KCP: variants seen among roughly 807,000 people sequenced by gnomAD.
The protein encoded by KCP is kielin cysteine rich BMP regulator.
A neutral mutation model predicts 212.7 loss-of-function variants in KCP; 194 were observed. That is an observed-to-expected ratio of 0.91 (90% CI 0.81 to 1.03). The LOEUF (loss-of-function observed/expected upper bound fraction) is 1.03. Among genes scored for constraint, KCP ranks in the 50% least tolerant of loss-of-function variants. The pLI is 0.00. For synonymous variants in KCP, 833 were observed against 865.3 expected (o/e 0.96, Z 0.65); for missense variants, 2,080 against 2,162.5 (o/e 0.96, Z 0.76).
In KCP at chr7:128,877,636, G is replaced by T; in HGVS notation, c.4466C>A (p.Pro1489Gln). The stretch of plus-strand genomic sequence containing the variant: ...CACACAGGCGGCAAAGAAGGGCTCC[G>T]GTGGCACCACAGCATGGCAGCGACT... ...PFSRCHAVVP[P>Q]EPFFAACVYD... The change falls in exon 39 of 40, where the codon CCG (proline) becomes CAG (glutamine). Residue 1489 changes from proline (P) to glutamine (Q), a missense_variant. By Grantham distance (76) the Pro-to-Gln change is moderately conservative (BLOSUM62 -1). Transcript: ENST00000610776. 1 of 1,551,646 alleles carries T rather than the reference G, an allele frequency of 6.4e-7. No individual in the cohort carries two copies. Among genetic ancestry groups the T allele is most frequent in the East Asian group, 2.4e-5 (1 of 40,922 alleles).
chr7:128,877,084 C>T lies in KCP; in HGVS notation c.4846G>A (p.Ala1616Thr), dbSNP rs1793030641. The change falls in exon 40 of 40, where the codon GCT becomes ACT. Residue 1616 changes from alanine to threonine, a missense_variant. Physicochemically the swap from Ala to Thr is moderately conservative, Grantham distance 58 (BLOSUM62 0). Transcript: ENST00000610776. ...GGCTCCCGGCTGGGGCTGGGCCGAG[C>T]ACCAAGTGGCTGGTCTCCAGTGAGC... ...VLLTGDQPLG[A>T]RPSPSREPQE... 6.6e-7 allele frequency: 1 copy of T among 1,520,234 alleles called. No homozygotes were observed. Among genetic ancestry groups the T allele is most frequent in the Non-Finnish European group, 8.8e-7 (1 of 1,138,458 alleles). 94.2% of individuals were successfully genotyped at this position (1,520,234 alleles called of 1,614,324 possible).
intron 8 of KCP, among the ~76,000 whole-genome samples, chr7:128,900,470 A>G (rs1585244923): frequency 1.3e-5 from 2 of 152,348 alleles, no homozygotes; most frequent in South Asian, 4.1e-4. Context: ...TACTGGAATC[A>G]TCTAGCAACC....
chr7:128,893,612 C>T (rs757056630), intron 11 of KCP, 136 bp from the exon 12 acceptor site: 592 of 965,400 alleles, frequency 6.1e-4, no homozygotes, highest in Non-Finnish European at 8.4e-4. Context: ...CCAGCAGCCC[C>T]CTGCCCCCCA....
chr7:128,888,831 C>G (rs1793905961), intron 22 of KCP, 32 bp downstream of exon 22: 1 of 1,538,960 alleles, frequency 6.5e-7, no homozygotes, highest in Non-Finnish European at 8.8e-7. Context: ...GGAGCCCCAG[C>G]AGGGGGAATG....
chr7:128,884,217 G>T, intron 28 of KCP, 95 bp from the exon 29 acceptor site: 1 of 1,433,950 alleles, frequency 7.0e-7, no homozygotes, highest in Non-Finnish European at 9.2e-7. Flanking sequence ...GCCTGCTGCA[G>T]CCTCTTCCGG....
At chr7:128,898,431 C>T (rs961309585) in intron 8 of KCP, among the ~76,000 whole-genome samples, 2 of 152,344 alleles carry the variant, frequency 1.3e-5, no homozygotes, top group African/African-American at 4.8e-5. Flanking sequence ...GTTTGCCACA[C>T]CCCTAGCTGT....
Position 128,908,412 on chromosome 7 carries a change from T to TGTCTCCATG in KCP, c.219+5_219+13dup. ...CTCCTTACCCAATGCAAACCAGCAC[T>TGTCTCCATG]GTCTCCATGGTACCTGTTCTCTGAG... On this transcript the variant is annotated intron_variant, in intron 2 of 39. Coordinates refer to ENST00000610776, the MANE Select transcript of KCP (RefSeq NM_001366122.1). 2 of 1,548,328 alleles carry TGTCTCCATG rather than the reference T, an allele frequency of 1.3e-6. No homozygotes were observed. The highest frequency in any genetic ancestry group is 1.7e-6 in the Non-Finnish European group (2 of 1,144,498).
At position 128,877,109 on chromosome 7, in the gene KCP, C is replaced by T. The variant is rs78268846; in HGVS notation, c.4821G>A (p.Leu1607=). ...CACCAAGTGGCTGGTCTCCAGTGAGCAGGACTTGGGGGCAGGCCTCGGGTG... is the reference window on the plus strand; with the variant it reads ...CACCAAGTGGCTGGTCTCCAGTGAGTAGGACTTGGGGGCAGGCCTCGGGTG... ...CIPPEACPQV[L]LTGDQPLGAR... The change falls in exon 40 of 40, where the codon CTG becomes CTA. Residue 1607 remains leucine, a synonymous_variant. Coordinates refer to ENST00000610776, the MANE Select transcript of KCP (RefSeq NM_001366122.1). The T allele has an allele frequency of 6.6e-7, 1 of 1,516,920 alleles. No homozygotes were observed. Among genetic ancestry groups the T allele is most frequent in the East Asian group, 2.5e-5 (1 of 40,590 alleles). 94.0% of individuals were successfully genotyped at this position (1,516,920 alleles called of 1,614,324 possible). A position where few individuals can be genotyped will look rare whatever the true frequency, so the allele number is the denominator to read the frequency against.
rs561825522 is a variant in KCP, at chr7:128,885,078, C to A, written c.3040+19G>T. 2 of 1,550,528 alleles carry A rather than the reference C, an allele frequency of 1.3e-6. No homozygotes were observed. The highest frequency in any genetic ancestry group is 1.7e-6 in the Non-Finnish European group (2 of 1,146,962). On this transcript the variant is annotated intron_variant, in intron 27 of 39. Transcript: ENST00000610776. The stretch of plus-strand genomic sequence containing the variant: ...GGCTCCCTCCTCGCCTTTCCCCTCC[C>A]GCCCCAGGCTTCCAGTACCAGAGCA...
intron 22 of KCP, among the ~76,000 whole-genome samples, chr7:128,887,842 CAT>C (rs1433871676): frequency 2.5e-4 from 33 of 132,352 alleles, no homozygotes; most frequent in South Asian, 1.9e-3. Context: ...CACACACACA[CAT>C]ACACACATAC....
intron 30 of KCP, 25 bp from the exon 31 acceptor site, chr7:128,881,750 G>A (rs767262410): frequency 1.3e-6 from 2 of 1,516,032 alleles, no homozygotes; most frequent in Non-Finnish European, 1.8e-6. Flanking sequence ...ACAAGAGGTA[G>A]AGAATGGCAG....
intron 5 of KCP, 34 bp downstream of exon 5, chr7:128,906,245 C>G (rs60636713): frequency 6.6e-7 from 1 of 1,509,666 alleles, no homozygotes; most frequent in Non-Finnish European, 9.0e-7. Context: ...AGAAGGCAAG[C>G]AGGAGGTGGG....
intron 37 of KCP, 23 bp downstream of exon 37, chr7:128,879,499 C>A: frequency 6.5e-7 from 1 of 1,543,290 alleles, no homozygotes; most frequent in Non-Finnish European, 8.7e-7. Flanking sequence ...GGCAGCCCAC[C>A]CAGACTCGCC....
At chr7:128,889,143 A>G in intron 21 of KCP, 104 bp from the exon 22 acceptor site, 3 of 657,934 alleles carry the variant, frequency 4.6e-6, no homozygotes, top group Non-Finnish European at 6.2e-6. Flanking sequence ...CAAGATCTCA[A>G]AGATCTAGCG....
chr7:128,910,658 C>G lies in KCP; in HGVS notation c.19G>C (p.Ala7Pro). Residue 7 changes from alanine to proline, a missense_variant, in exon 1 of 40, where the codon GCT (alanine) becomes CCT (proline). Transcript: ENST00000610776. Reference sequence around the variant, plus strand: ...AGGTGCAGGAGAAGGGACAGCGCAGCGGCCCCGACCCCGGCCATGCTAGCT... The same window carrying G: ...AGGTGCAGGAGAAGGGACAGCGCAGGGGCCCCGACCCCGGCCATGCTAGCT... MAGVGA[A>P]ALSLLLHLGA... The G allele has an allele frequency of 6.6e-7, 1 of 1,508,750 alleles. No homozygotes were observed. The allele number at this position is 1,508,750 out of a possible 1,614,324, so 93.5% of individuals were successfully genotyped here.
At chr7:128,880,814 GCC>G (rs1793283757) in intron 32 of KCP, 93 bp from the exon 33 acceptor site, 1 of 403,262 alleles carries the variant, frequency 2.5e-6, no homozygotes, top group East Asian at 3.6e-5. Context: ...ACTTCTGCCT[GCC>G]CCTCCCACAA....
In KCP at chr7:128,887,173, A is replaced by G. The variant is rs566105897; in HGVS notation, c.2598+42T>C. ...CTCTTCCTGGCCAGAGAGGAGTATCAAGGGAGGAAAGGTTACCAAGGTCCT... is the reference window on the plus strand; with the variant it reads ...CTCTTCCTGGCCAGAGAGGAGTATCGAGGGAGGAAAGGTTACCAAGGTCCT... On this transcript the variant is annotated intron_variant, in intron 23 of 39. Transcript: ENST00000610776. 7 of 1,505,618 alleles carry G rather than the reference A, an allele frequency of 4.6e-6. No homozygotes were observed. In the South Asian group the frequency reaches 7.2e-5, roughly 16 times the overall value. 93.3% of individuals were successfully genotyped at this position (1,505,618 alleles called of 1,614,324 possible).
Position 128,877,674 on chromosome 7 carries a change from C to G in KCP, c.4428G>C (p.Lys1476Asn), listed in dbSNP as rs1793075852. Reference sequence around the variant, plus strand: ...CATGGCAGCGACTGAATGGGGAGGACTTCAGCACCCCACACCGGGCATTGG... The same window carrying G: ...CATGGCAGCGACTGAATGGGGAGGAGTTCAGCACCCCACACCGGGCATTGG... ...REANARCGVL[K>N]SSPFSRCHAV... is the part of the protein sequence containing the mutation. The change falls in exon 39 of 40, where the codon AAG (lysine) becomes AAC (asparagine). Residue 1476 changes from lysine (K) to asparagine (N), a missense_variant. Transcript: ENST00000610776. 6.4e-7 allele frequency: 1 copy of G among 1,551,480 alleles called. No homozygotes were observed. Among genetic ancestry groups the G allele is most frequent in the East Asian group, 2.4e-5 (1 of 40,920 alleles).
intron 29 of KCP, among the ~76,000 whole-genome samples, 155 bp from the exon 30 acceptor site, chr7:128,882,171 T>A (rs556420992): frequency 6.6e-6 from 1 of 152,336 alleles, no homozygotes; most frequent in African/African-American, 2.4e-5. Context: ...TAAGTCCTCT[T>A]TCTCTTCAAT....
Sources: gnomAD v4.1 joint callset for allele counts (sites outside exome capture counted in the v4.1 genomes callset) on GRCh38, gnomAD v4.1.1 for gene constraint, MANE v1.5 for transcripts, NCBI Gene and HGNC (gene_info 2026-07-23, HGNC 2026-07-21) for gene names.